Variants in LRRTM4 observed in about 807,000 individuals in gnomAD.
LRRTM4 encodes leucine-rich repeat transmembrane neuronal protein 4.
In LRRTM4, 25 loss-of-function variants were observed where a neutral mutation model predicts 47.6. The ratio of observed to expected loss-of-function variants is 0.53; its 90% CI spans 0.38 to 0.73. The LOEUF is 0.73. Among genes scored for constraint, LRRTM4 ranks in the 30% least tolerant of loss-of-function variants. The probability of loss-of-function intolerance (pLI) is 0.00; values close to 1 mark genes in which losing one functional copy is unlikely to be tolerated. For missense variants in LRRTM4, 638 were observed against 713.4 expected, an observed-to-expected ratio of 0.89 and a Z score of 1.20; for synonymous variants, 311 against 269.5, an observed-to-expected ratio of 1.15 and a Z score of -1.51.
At chr2:76,893,432 T>C (rs559265426) in intron 3 of LRRTM4, among the ~76,000 whole-genome samples, 1 of 151,698 alleles carries the variant, frequency 6.6e-6, no homozygotes, top group Non-Finnish European at 1.5e-5. Context: ...AAGTTAAAAA[T>C]AATAACTAAA....
chr2:77,371,755 T>G (rs1278288803), intron 3 of LRRTM4, among the ~76,000 whole-genome samples: 2 of 151,644 alleles, frequency 1.3e-5, no homozygotes, highest in African/African-American at 4.8e-5. Flanking sequence ...TAACTTCATC[T>G]CCTTAATCCT....
At chr2:77,097,163 A>G (rs1670833516) in intron 3 of LRRTM4, among the ~76,000 whole-genome samples, 1 of 151,916 alleles carries the variant, frequency 6.6e-6, no homozygotes, top group African/African-American at 2.4e-5. Context: ...ATAATGATAA[A>G]AATGACACCT....
intron 3 of LRRTM4, among the ~76,000 whole-genome samples, chr2:77,101,281 G>A (rs369460110): frequency 1.6e-4 from 24 of 152,038 alleles, no homozygotes; most frequent in South Asian, 1.0e-3. Flanking sequence ...GCTTTAAAAC[G>A]AAAGACATGC....
At chr2:77,395,840 T>C (rs1252168482) in intron 3 of LRRTM4, among the ~76,000 whole-genome samples, 1 of 152,004 alleles carries the variant, frequency 6.6e-6, no homozygotes, top group African/African-American at 2.4e-5. Context: ...TCACATTCAC[T>C]AATATTCATT....
At chr2:76,845,584 C>A (rs1372398280) in intron 3 of LRRTM4, among the ~76,000 whole-genome samples, 1 of 152,106 alleles carries the variant, frequency 6.6e-6, no homozygotes, top group Non-Finnish European at 1.5e-5. Context: ...TGTGAGCTCC[C>A]AGGTAGAGGG....
chr2:77,225,216 G>T (rs542347740), intron 3 of LRRTM4, among the ~76,000 whole-genome samples: 50 of 129,002 alleles, frequency 3.9e-4, no homozygotes, highest in African/African-American at 1.4e-3. Context: ...ACTGTTGTGG[G>T]GTGGGGGGAG....
intron 3 of LRRTM4, among the ~76,000 whole-genome samples, chr2:76,984,352 A>G (rs1676720969): frequency 6.6e-6 from 1 of 151,964 alleles, no homozygotes; most frequent in South Asian, 2.1e-4. Context: ...TTTTTTTGGT[A>G]GAATTGTAGC....
chr2:77,322,690 T>A (rs1677830173), intron 3 of LRRTM4, among the ~76,000 whole-genome samples: 1 of 151,264 alleles, frequency 6.6e-6, no homozygotes, highest in Non-Finnish European at 1.5e-5. Flanking sequence ...GCGATCCTCA[T>A]CAAACAGATG....
intron 3 of LRRTM4, among the ~76,000 whole-genome samples, chr2:77,058,441 T>C (rs1162974367): frequency 6.6e-6 from 1 of 152,110 alleles, no homozygotes; most frequent in Non-Finnish European, 1.5e-5. Flanking sequence ...AATAAATCCT[T>C]GGAATCCAAC....
intron 3 of LRRTM4, among the ~76,000 whole-genome samples, chr2:77,434,245 G>GAA (rs34666020): frequency 3.2e-4 from 46 of 144,420 alleles, no homozygotes; most frequent in Middle Eastern, 3.6e-3. Context: ...CCCAGATTGG[G>GAA]AAAAAAAAAA....
intron 3 of LRRTM4, among the ~76,000 whole-genome samples, chr2:77,092,539 G>C (rs1286184548): frequency 2.2e-5 from 3 of 137,080 alleles, no homozygotes; most frequent in Non-Finnish European, 4.5e-5. Flanking sequence ...GGATTATTCA[G>C]GCCCCCTCCT....
intron 3 of LRRTM4, among the ~76,000 whole-genome samples, chr2:77,378,286 A>G (rs182102313): frequency 4.6e-5 from 7 of 151,924 alleles, no homozygotes; most frequent in Admixed American, 4.6e-4. Context: ...TGCTTTTATC[A>G]ATTTGTTTCT....
intron 3 of LRRTM4, among the ~76,000 whole-genome samples, chr2:77,069,215 G>C (rs761778396): frequency 3.0e-4 from 45 of 151,890 alleles, no homozygotes; most frequent in Admixed American, 3.3e-4. Flanking sequence ...ACTGGGTTAG[G>C]GTCTCCCCGA....
At chr2:77,042,269 ATAGT>A (rs1350173335) in intron 3 of LRRTM4, among the ~76,000 whole-genome samples, 3 of 151,610 alleles carry the variant, frequency 2.0e-5, no homozygotes, top group African/African-American at 7.3e-5. Flanking sequence ...CTACTCTCAA[ATAGT>A]TAAGAAAAAA....
intron 3 of LRRTM4, among the ~76,000 whole-genome samples, chr2:77,427,943 A>G (rs567591318): frequency 1.3e-5 from 2 of 152,328 alleles, no homozygotes; most frequent in South Asian, 2.1e-4. Context: ...CTTGAATTGT[A>G]GTTCCCATAA....
chr2:77,493,466 A>T (rs1678246346), intron 3 of LRRTM4, among the ~76,000 whole-genome samples: 1 of 152,120 alleles, frequency 6.6e-6, no homozygotes, highest in South Asian at 2.1e-4. Context: ...ACAGAAAAAG[A>T]AGTGATTTAT....
At chr2:77,460,948 G>A (rs185339466) in intron 3 of LRRTM4, among the ~76,000 whole-genome samples, 30 of 151,940 alleles carry the variant, frequency 2.0e-4, no homozygotes, top group South Asian at 1.7e-3. Context: ...ATATTTACCC[G>A]CATTAGAAAT....
At chr2:76,797,573 C>A (rs564098953) in intron 3 of LRRTM4, among the ~76,000 whole-genome samples, 1 of 151,024 alleles carries the variant, frequency 6.6e-6, no homozygotes, top group Admixed American at 6.6e-5. Context: ...AGCAAAAGAG[C>A]GAGCTAACAT....
chr2:76,972,412 C>CTTTTTTTTTTTT (rs397869502), intron 3 of LRRTM4, among the ~76,000 whole-genome samples: 1 of 95,258 alleles, frequency 1.0e-5, no homozygotes. Flanking sequence ...TCATTGAACA[C>CTTTTTTTTTTTT]TTTTTTTTTT....
Sources: gnomAD v4.1 joint callset for allele counts (sites outside exome capture counted in the v4.1 genomes callset) on GRCh38, gnomAD v4.1.1 for gene constraint, MANE v1.5 for transcripts, NCBI Gene and HGNC (gene_info 2026-07-23, HGNC 2026-07-21) for gene names.